Variants in KCTD17 observed in about 807,000 individuals in gnomAD.
KCTD17 encodes the protein BTB/POZ domain-containing protein KCTD17.
In KCTD17, 20 loss-of-function variants were observed where a neutral mutation model predicts 41.5. The ratio of observed to expected loss-of-function variants is 0.48; its 90% CI spans 0.34 to 0.70. KCTD17 has a LOEUF of 0.70. Among genes scored for constraint, KCTD17 ranks in the 30% least tolerant of loss-of-function variants. KCTD17 has a pLI of 0.01. For missense variants in KCTD17, 317 were observed against 427.2 expected (o/e 0.74, Z 2.27); for synonymous variants, 156 against 173.8 (o/e 0.90, Z 0.80).
intron 8 of KCTD17, 137 bp from the exon 9 acceptor site, chr22:37,062,388 A>G: frequency 7.4e-7 from 1 of 1,346,706 alleles, no homozygotes; most frequent in Non-Finnish European, 9.6e-7. Context: ...GAAGCCTGTG[A>G]CTCAACTGCC....
chr22:37,054,376 G>A (rs1159181671), intron 2 of KCTD17, among the ~76,000 whole-genome samples: 1 of 152,122 alleles, frequency 6.6e-6, no homozygotes, highest in African/African-American at 2.4e-5. Context: ...CTGTCTGGGG[G>A]CTAGAGGATC....
chr22:37,055,480 A>G (rs1380673227), intron 2 of KCTD17: 2 of 152,190 alleles, frequency 1.3e-5, no homozygotes, highest in African/African-American at 4.8e-5. Flanking sequence ...TCTGCTCATA[A>G]TGAGCTCTGT....
At position 37,062,825 on chromosome 22, in the gene KCTD17, C is replaced by T; in HGVS notation, c.*231C>T. On this transcript the variant is annotated 3_prime_UTR_variant, in exon 9 of 9. Coordinates refer to ENST00000403888, the MANE Select transcript of KCTD17 (RefSeq NM_001282684.2). ...AATGTCTGGCTGTGTCTCTCCGGCA[C>T]CTGCGTCCCCTCTCCCGGGCTCCCC... The T allele has an allele frequency of 1.1e-6, 1 of 908,406 alleles. No individual in the cohort carries two copies. Among genetic ancestry groups the T allele is most frequent in the Admixed American group, 3.1e-5 (1 of 32,694 alleles). The allele number at this position is 908,406 out of a possible 1,614,324, so 56.3% of individuals were successfully genotyped here.
chr22:37,061,495 C>T lies in KCTD17; in HGVS notation c.785-44C>T, dbSNP rs201608256. The T allele has an allele frequency of 1.9e-6, 3 of 1,575,810 alleles. No individual in the cohort carries two copies. Among genetic ancestry groups the T allele is most frequent in the East Asian group, 4.6e-5 (2 of 43,634 alleles). ...GGGCCCTGGCTGCAGGCCCTGCCCC[C>T]CCTCCTCTCCTCCCGGCCTCCTCCT... On this transcript the variant is annotated intron_variant, in intron 7 of 8. Coordinates refer to ENST00000403888, the MANE Select transcript of KCTD17 (RefSeq NM_001282684.2). This position sits in a 1 kb window ranked among gnomAD's most constrained non-coding sequence, Gnocchi z 6.6.
At chr22:37,052,567 T>A (rs1924618342) in intron 1 of KCTD17, 1 of 470,480 alleles carries the variant, frequency 2.1e-6, no homozygotes, top group Admixed American at 2.3e-5. Flanking sequence ...CTGTCCCCCA[T>A]CCGTGACCCT....
At chr22:37,059,260 C>T (rs1308670367) in intron 4 of KCTD17, 53 bp from the exon 5 acceptor site, 3 of 1,604,964 alleles carry the variant, frequency 1.9e-6, no homozygotes, top group Non-Finnish European at 2.5e-6. Context: ...GTATCCTGCC[C>T]CACGGCCCCC....
In KCTD17 at chr22:37,062,529, T is replaced by A; in HGVS notation, c.880T>A (p.Tyr294Asn). Residue 294 changes from tyrosine to asparagine, a missense_variant, in exon 9 of 9, where the codon TAC (tyrosine) becomes AAC (asparagine). Transcript: ENST00000403888. The part of the protein sequence containing the change: ...ARPQSCHPCC[Y>N]KPEAPGCEAP... ...CTTCCCCTCTTTTTTTTCTAGCTGT[T>A]ACAAGCCAGAGGCACCCGGATGTGA... 6.2e-7 allele frequency: 1 copy of A among 1,612,960 alleles called. No individual in the cohort carries two copies. The highest frequency in any genetic ancestry group is 8.5e-7 in the Non-Finnish European group (1 of 1,179,626).
chr22:37,059,768 A>T (rs763253243), intron 5 of KCTD17, among the ~76,000 whole-genome samples: 2 of 152,210 alleles, frequency 1.3e-5, no homozygotes, highest in African/African-American at 4.8e-5. Context: ...GACTTAGGAC[A>T]GGGCTTGTCC....
Position 37,051,906 on chromosome 22 carries a change from T to C in KCTD17, c.146T>C (p.Phe49Ser). Residue 49 changes from phenylalanine to serine, a missense_variant, in exon 1 of 9, where the codon TTC becomes TCC. Around this residue, in one of 4 missense-constraint regions of KCTD17, gnomAD observed 99 missense variants for 166.5 expected, o/e 0.59. Transcript: ENST00000403888. ...ACGCTGTGCCGCGAGCAGAAGTCCT[T>C]CCTCAGCCGCCTGTGCCAGGGGGAA... ...RQTLCREQKSFLSRLCQGEEL... is the reference protein window; with the variant it reads ...RQTLCREQKSSLSRLCQGEEL... 1 of 1,504,596 alleles carries C rather than the reference T, an allele frequency of 6.6e-7. No homozygotes were observed. The highest frequency in any genetic ancestry group is 2.1e-5 in the Admixed American group (1 of 48,436). 93.2% of individuals were successfully genotyped at this position (1,504,596 alleles called of 1,614,324 possible). A position where few individuals can be genotyped will look rare whatever the true frequency, so the allele number is the denominator to read the frequency against.
At chr22:37,062,341 C>T in intron 8 of KCTD17, 184 bp from the exon 9 acceptor site, 1 of 985,194 alleles carries the variant, frequency 1.0e-6, no homozygotes, top group Non-Finnish European at 1.2e-6. Context: ...CTGAATCCAC[C>T]TTCTTTGGGC....
rs1209867511 is a variant in KCTD17, at chr22:37,063,267, GC to G, written c.*676del. On this transcript the variant is annotated 3_prime_UTR_variant, in exon 9 of 9. Coordinates refer to ENST00000403888, the MANE Select transcript of KCTD17 (RefSeq NM_001282684.2). This position sits in a 1 kb window ranked among gnomAD's most constrained non-coding sequence, Gnocchi z 4.6. ...AGGGGCGGTGGAGGACTCAGGAACTGCCCGGGGAGAGTGGGTATGGCGGCTG... is the reference window on the plus strand; with the variant it reads ...AGGGGCGGTGGAGGACTCAGGAACTGCCGGGGAGAGTGGGTATGGCGGCTG... 1 of 152,482 alleles carries G rather than the reference GC, an allele frequency of 6.6e-6. No homozygotes were observed. The highest frequency in any genetic ancestry group is 2.4e-5 in the African/African-American group (1 of 41,426). 9.4% of individuals were successfully genotyped at this position (152,482 alleles called of 1,614,324 possible).
At chr22:37,052,662 C>T in intron 1 of KCTD17, 1 of 470,618 alleles carries the variant, frequency 2.1e-6, no homozygotes, top group South Asian at 1.5e-5. Flanking sequence ...CACCCTGCCT[C>T]CCTGCCCGCC....
intron 2 of KCTD17, among the ~76,000 whole-genome samples, chr22:37,054,694 G>A (rs1924889954): frequency 6.6e-6 from 1 of 152,156 alleles, no homozygotes; most frequent in Non-Finnish European, 1.5e-5. Context: ...GATAAAAGGA[G>A]TTAATAGTGC....
At position 37,057,452 on chromosome 22, in the gene KCTD17, C is replaced by T. The variant is rs1443277164; in HGVS notation, c.445C>T (p.Gln149Ter). 6.2e-7 allele frequency: 1 copy of T among 1,613,194 alleles called. No homozygotes were observed. Among genetic ancestry groups the T allele is most frequent in the African/African-American group, 1.3e-5 (1 of 74,918 alleles). Residue 149 changes from glutamine to a stop codon, truncating the protein, a stop_gained, in exon 4 of 9, where the codon CAA (glutamine) becomes TAA (stop). Transcript: ENST00000403888. LOFTEE classifies it high-confidence loss of function. Reference protein sequence around the residue: ...VLQCQEEELTQMVSTMSDGWR... With the variant: ...VLQCQEEELT ...GCAGTGCCAGGAGGAGGAGCTCACG[C>T]AAATGGTCTCCACCATGTCTGATGG...
intron 2 of KCTD17, among the ~76,000 whole-genome samples, chr22:37,055,553 T>C (rs927441950): frequency 2.6e-5 from 4 of 152,174 alleles, no homozygotes; most frequent in African/African-American, 9.7e-5. Flanking sequence ...TCTGGGAGCC[T>C]AGGGGAGTCG....
intron 5 of KCTD17, 146 bp from the exon 6 acceptor site, chr22:37,060,677 C>T (rs1047368412): frequency 3.0e-5 from 38 of 1,252,770 alleles, no homozygotes; most frequent in Non-Finnish European, 7.3e-6. Context: ...AGAAGATGCC[C>T]CCAGCTTCTG....
At chr22:37,052,544 C>T (rs1385949712) in intron 1 of KCTD17, 2 of 469,616 alleles carry the variant, frequency 4.3e-6, no homozygotes, top group African/African-American at 4.0e-5. Flanking sequence ...CTGAAGATGA[C>T]CTCTAAGGTC....
intron 4 of KCTD17, 105 bp from the exon 5 acceptor site, chr22:37,059,208 A>T: frequency 6.6e-7 from 1 of 1,507,204 alleles, no homozygotes; most frequent in Non-Finnish European, 9.1e-7. Context: ...CCGCAAGATT[A>T]GGACCTGAGC....
chr22:37,060,612 C>T (rs989454235), intron 5 of KCTD17, among the ~76,000 whole-genome samples: 2 of 152,238 alleles, frequency 1.3e-5, no homozygotes, highest in African/African-American at 4.8e-5. Context: ...ATGCCCACAG[C>T]ATCCCATCCT....
Sources: gnomAD v4.1 joint callset for allele counts (sites outside exome capture counted in the v4.1 genomes callset) on GRCh38, gnomAD v4.1.1 for gene constraint, gnomAD v4.1.1 regional missense constraint, Gnocchi (gnomAD v3.1) non-coding constraint, MANE v1.5 for transcripts, NCBI Gene and HGNC (gene_info 2026-07-23, HGNC 2026-07-21) for gene names.